Variants in NRG2 observed in about 807,000 individuals in gnomAD.
NRG2 encodes the protein pro-neuregulin-2, membrane-bound isoform.
Under a neutral mutation model 73.9 loss-of-function variants are expected in NRG2, and 27 were observed. The observed-to-expected ratio is 0.37, with a 90% CI of 0.27 to 0.50. The LOEUF (loss-of-function observed/expected upper bound fraction) is 0.50. NRG2 is among the 20% of genes least tolerant of loss of function. NRG2 has a pLI of 0.96. For synonymous variants in NRG2, 532 were observed against 541.0 expected (o/e 0.98, Z 0.23); for missense variants, 1,126 against 1,210.1 (o/e 0.93, Z 1.03).
At chr5:139,901,714 C>CTGCT (rs1764904179) in intron 1 of NRG2, among the ~76,000 whole-genome samples, 1 of 152,232 alleles carries the variant, frequency 6.6e-6, no homozygotes, top group South Asian at 2.1e-4. Flanking sequence ...AGACCAAAGT[C>CTGCT]TGCTCCATGT....
chr5:139,981,009 G>C (rs1372997473), intron 1 of NRG2, among the ~76,000 whole-genome samples: 1 of 152,216 alleles, frequency 6.6e-6, no homozygotes, highest in Non-Finnish European at 1.5e-5. Context: ...CTGGGGTGCA[G>C]CGTGGCTGTG....
At chr5:140,004,531 A>G (rs1020432251) in intron 1 of NRG2, among the ~76,000 whole-genome samples, 2 of 152,252 alleles carry the variant, frequency 1.3e-5, no homozygotes, top group African/African-American at 2.4e-5. Flanking sequence ...ACACAGCATC[A>G]TTTCTGAATT....
chr5:139,963,911 A>G (rs1301174501), intron 1 of NRG2, among the ~76,000 whole-genome samples: 1 of 152,206 alleles, frequency 6.6e-6, no homozygotes, highest in Admixed American at 6.5e-5. Context: ...TCTTTGTTCA[A>G]ACTGGTTCCT....
rs151296995 is a variant in NRG2 at position 139,871,810 on chromosome 5, G to A, written c.1023C>T (p.His341=). 1.0e-4 allele frequency: 163 copies of A among 1,614,088 alleles called. 1 individual carries two copies. In the East Asian group the frequency reaches 3.2e-3, roughly 32 times the overall value. ...VSTTLSSWSG[H]ARKCNETAKS... ...TGGCTGTCTCGTTGCACTTCCGGGCGTGCCCCGACCAGGATGACAGGGTGG... is the reference window on the plus strand; with the variant it reads ...TGGCTGTCTCGTTGCACTTCCGGGCATGCCCCGACCAGGATGACAGGGTGG... Residue 341 remains histidine (H), a synonymous_variant, in exon 4 of 10, where the codon CAC becomes CAT. Transcript: ENST00000361474.
At chr5:139,900,708 G>A (rs551129189) in intron 1 of NRG2, among the ~76,000 whole-genome samples, 2 of 152,358 alleles carry the variant, frequency 1.3e-5, no homozygotes, top group East Asian at 1.9e-4. Flanking sequence ...CCAGGTATGG[G>A]TAGCAACTGG....
chr5:140,004,988 A>G lies in NRG2; in HGVS notation c.700+37382T>C, dbSNP rs577553987. 3.3e-5 allele frequency among the ~76,000 whole-genome samples: 5 copies of G among 152,326 alleles called. No homozygotes were observed. The South Asian group carries it at 1.0e-3, about 32-fold the overall frequency. On this transcript the variant is annotated intron_variant, in intron 1 of 9. Coordinates refer to ENST00000361474, the MANE Select transcript of NRG2 (RefSeq NM_004883.3). ...CAAAAAATGTTTAAAAAGAAAGATT[A>G]AGTCTTTAAATCTACCATTGATTAA...
chr5:139,859,104 G>A (rs2127025013), intron 5 of NRG2, among the ~76,000 whole-genome samples: 1 of 152,240 alleles, frequency 6.6e-6, no homozygotes, highest in East Asian at 1.9e-4. Context: ...GAGCCTCCCG[G>A]TGCAAAGCCA....
intron 1 of NRG2, among the ~76,000 whole-genome samples, chr5:139,986,262 G>A (rs1392507233): frequency 6.6e-6 from 1 of 152,168 alleles, no homozygotes; most frequent in Non-Finnish European, 1.5e-5. Context: ...TGCAAACACA[G>A]GCAAAACTTC....
In NRG2 at chr5:139,924,487, G is replaced by A. The variant is rs1214081935; in HGVS notation, c.701-36976C>T. ...AATTAACCCAGCTAATAACTTCCCT[G>A]CTGGATTCCCTTGTTCATAACTTCT... On this transcript the variant is annotated intron_variant, in intron 1 of 9. Transcript: ENST00000361474. 3.9e-5 allele frequency among the ~76,000 whole-genome samples: 6 copies of A among 152,246 alleles called. No individual in the cohort carries two copies. In the South Asian group the frequency reaches 1.2e-3, roughly 32 times the overall value.
At chr5:139,973,156 CAAAAAA>C (rs58053481) in intron 1 of NRG2, among the ~76,000 whole-genome samples, 162 of 89,452 alleles carry the variant, frequency 1.8e-3, no homozygotes, top group African/African-American at 3.7e-3. Context: ...TAAGAATATG[CAAAAAA>C]AAAAAAAAAA....
intron 1 of NRG2, among the ~76,000 whole-genome samples, chr5:139,983,797 C>CCA (rs899490244): frequency 1.3e-5 from 2 of 152,172 alleles, no homozygotes; most frequent in Non-Finnish European, 2.9e-5. Flanking sequence ...GTTTCAAACA[C>CCA]TTTGACAAGA....
At chr5:139,878,172 C>A (rs1763300421) in intron 3 of NRG2, among the ~76,000 whole-genome samples, 1 of 152,236 alleles carries the variant, frequency 6.6e-6, no homozygotes, top group Non-Finnish European at 1.5e-5. Context: ...CTGCTAACAG[C>A]ACCCCTTCGG....
intron 1 of NRG2, among the ~76,000 whole-genome samples, chr5:139,938,642 C>T (rs939684734): frequency 1.3e-5 from 2 of 151,838 alleles, no homozygotes; most frequent in African/African-American, 2.4e-5. Context: ...CAGGCTCAAG[C>T]CACCATGTAC....
chr5:139,901,245 T>C (rs544240086), intron 1 of NRG2, among the ~76,000 whole-genome samples: 3 of 152,290 alleles, frequency 2.0e-5, no homozygotes, highest in South Asian at 4.2e-4. Context: ...GGTCTGTAAA[T>C]TGCTTTGAGC....
chr5:139,955,705 G>A (rs1454815871), intron 1 of NRG2, among the ~76,000 whole-genome samples: 3 of 152,146 alleles, frequency 2.0e-5, no homozygotes, highest in African/African-American at 7.2e-5. Flanking sequence ...ATATCTATTG[G>A]GTGCTCTTTT....
At chr5:139,940,807 C>T (rs1034416308) in intron 1 of NRG2, among the ~76,000 whole-genome samples, 2 of 152,022 alleles carry the variant, frequency 1.3e-5, no homozygotes, top group African/African-American at 4.8e-5. Context: ...CTTTATTTTC[C>T]ATCATGCATT....
At chr5:139,935,290 CCTT>C (rs1360872260) in intron 1 of NRG2, among the ~76,000 whole-genome samples, 3 of 152,302 alleles carry the variant, frequency 2.0e-5, no homozygotes, top group African/African-American at 7.2e-5. Flanking sequence ...GATTTCAACA[CCTT>C]CTCTGAATAG....
At chr5:139,933,238 G>T (rs1040136370) in intron 1 of NRG2, among the ~76,000 whole-genome samples, 3 of 151,946 alleles carry the variant, frequency 2.0e-5, no homozygotes, top group Non-Finnish European at 4.4e-5. Context: ...TCATACCATT[G>T]CACTCCAGCC....
chr5:139,893,189 A>G (rs1764330626), intron 1 of NRG2, among the ~76,000 whole-genome samples: 1 of 152,234 alleles, frequency 6.6e-6, no homozygotes, highest in Non-Finnish European at 1.5e-5. Flanking sequence ...CAGTCAATAT[A>G]CATTCAAAAC....
Sources: gnomAD v4.1 joint callset for allele counts (sites outside exome capture counted in the v4.1 genomes callset) on GRCh38, gnomAD v4.1.1 for gene constraint, MANE v1.5 for transcripts, NCBI Gene and HGNC (gene_info 2026-07-23, HGNC 2026-07-21) for gene names.